SLC9D1: variants seen among roughly 807,000 people sequenced by gnomAD.
The protein encoded by SLC9D1 is solute carrier family 9 member D1, also known as putative LAG1-interacting protein.
the SLC9D1 span, chr13:113,491,273 G>C: frequency 1.3e-5 from 2 of 152,372 alleles, no homozygotes; most frequent in Non-Finnish European, 2.9e-5. Context: ...CCTGCGTCCC[G>C]GTGAGCACCA....
At chr13:113,492,970 A>C in the SLC9D1 span, among the ~76,000 whole-genome samples, 1 of 152,242 alleles carries the variant, frequency 6.6e-6, no homozygotes, top group Non-Finnish European at 1.5e-5. Context: ...GAACAGCTAA[A>C]GATGTTTACT....
chr13:113,538,057 T>C, the SLC9D1 span, among the ~76,000 whole-genome samples: 1 of 151,994 alleles, frequency 6.6e-6, no homozygotes, highest in African/African-American at 2.4e-5. Flanking sequence ...ATGTGATGTG[T>C]GTACATGTGC....
At chr13:113,516,854 G>C in the SLC9D1 span, among the ~76,000 whole-genome samples, 1 of 152,228 alleles carries the variant, frequency 6.6e-6, no homozygotes, top group Non-Finnish European at 1.5e-5. Flanking sequence ...CTGGAGGTCA[G>C]AATGGCAGCT....
chr13:113,509,903 G>C, the SLC9D1 span, among the ~76,000 whole-genome samples: 1 of 152,170 alleles, frequency 6.6e-6, no homozygotes, highest in African/African-American at 2.4e-5. Context: ...GTGACCTTGG[G>C]CGAGTCACTT....
At chr13:113,510,396 C>T in the SLC9D1 span, 2 of 1,613,438 alleles carry the variant, frequency 1.2e-6, no homozygotes, top group South Asian at 2.2e-5. Context: ...CCAGGTTCCT[C>T]ATGGGCAGTG....
the SLC9D1 span, among the ~76,000 whole-genome samples, chr13:113,523,641 T>G: frequency 1.3e-5 from 2 of 152,212 alleles, no homozygotes; most frequent in African/African-American, 4.8e-5. Flanking sequence ...CATTAGTTTC[T>G]ACCCTCACCT....
the SLC9D1 span, among the ~76,000 whole-genome samples, chr13:113,531,507 G>A: frequency 0.026 from 3,935 of 148,890 alleles, 99 homozygotes; most frequent in East Asian, 0.11. Flanking sequence ...GGACCTGCAG[G>A]TGACACGGCG....
the SLC9D1 span, among the ~76,000 whole-genome samples, chr13:113,519,801 G>T: frequency 1.3e-5 from 2 of 152,120 alleles, no homozygotes; most frequent in Non-Finnish European, 2.9e-5. Flanking sequence ...TGGTGGCTTG[G>T]GTGCGTCTGC....
At chr13:113,540,198 C>T in the SLC9D1 span, among the ~76,000 whole-genome samples, 5 of 152,106 alleles carry the variant, frequency 3.3e-5, no homozygotes, top group African/African-American at 9.7e-5. Flanking sequence ...CGGTGATGAA[C>T]GTGTGAGTGC....
chr13:113,549,335 C>T, the SLC9D1 span: 1 of 1,453,488 alleles, frequency 6.9e-7, no homozygotes, highest in South Asian at 1.2e-5. Context: ...AGGCGTCCCT[C>T]CCAGCTCAGT....
chr13:113,547,304 C>T, the SLC9D1 span: 6 of 1,613,912 alleles, frequency 3.7e-6, no homozygotes, highest in Non-Finnish European at 5.1e-6. Flanking sequence ...CAACAGGGCT[C>T]CACGTGTTCC....
chr13:113,525,959 G>A, the SLC9D1 span, among the ~76,000 whole-genome samples: 2 of 143,408 alleles, frequency 1.4e-5, no homozygotes, highest in Non-Finnish European at 3.1e-5. Flanking sequence ...AGAACAAGCC[G>A]TCGTCGTCGT....
chr13:113,501,604 C>T, the SLC9D1 span: 1 of 630,866 alleles, frequency 1.6e-6, no homozygotes, highest in East Asian at 2.8e-5. Context: ...GGATCCTCAG[C>T]ATGAGGAAAA....
chr13:113,549,901 G>T, the SLC9D1 span: 1 of 508,994 alleles, frequency 2.0e-6, no homozygotes, highest in African/African-American at 2.0e-5. Context: ...AAAATTAAAA[G>T]GCTTTTAAAA....
the SLC9D1 span, among the ~76,000 whole-genome samples, chr13:113,492,816 T>G: frequency 1.3e-5 from 2 of 152,084 alleles, no homozygotes; most frequent in African/African-American, 4.8e-5. Flanking sequence ...GAGAATTGCT[T>G]GAACCCGGGA....
the SLC9D1 span, chr13:113,533,922 G>A: frequency 2.1e-3 from 1,527 of 739,632 alleles, 17 homozygotes; most frequent in South Asian, 0.012. Context: ...TGAAAATAAA[G>A]ATGTGTATGA....
chr13:113,509,162 G>A, the SLC9D1 span, among the ~76,000 whole-genome samples: 1 of 144,764 alleles, frequency 6.9e-6, no homozygotes, highest in African/African-American at 2.6e-5. Flanking sequence ...GAGTATGTTG[G>A]GGCTGGCGGG....
At chr13:113,536,177 A>C in the SLC9D1 span, among the ~76,000 whole-genome samples, 1 of 152,128 alleles carries the variant, frequency 6.6e-6, no homozygotes, top group Non-Finnish European at 1.5e-5. Flanking sequence ...CAGGAGTTCG[A>C]GACCAGCTTG....
At chr13:113,522,008 T>G in the SLC9D1 span, among the ~76,000 whole-genome samples, 28,120 of 152,186 alleles carry the variant, frequency 0.18, 3,433 homozygotes, top group African/African-American at 0.35. Flanking sequence ...AGATTGAGGT[T>G]CTAGGACCTG....
Sources: allele counts gnomAD v4.1 joint callset (sites outside exome capture counted in the v4.1 genomes callset), GRCh38; gene constraint gnomAD v4.1.1; transcripts MANE v1.5; gene names NCBI Gene and HGNC (gene_info 2026-07-23, HGNC 2026-07-21).